The following ASCC3 variants were observed in gnomAD, a reference collection of about 807,000 sequenced individuals.
ASCC3 encodes ASC-1 complex subunit P200.
Under a neutral mutation model 256.3 loss-of-function variants are expected in ASCC3, and 158 were observed. The ratio of observed to expected loss-of-function variants is 0.62; its 90% CI spans 0.54 to 0.70. The LOEUF (loss-of-function observed/expected upper bound fraction) is 0.70, where lower values mean the gene tolerates loss of function less well. Among genes scored for constraint, ASCC3 ranks in the 30% least tolerant of loss-of-function variants. ASCC3 has a pLI of 0.00. For missense variants in ASCC3, 2,259 were observed against 2,626.0 expected (o/e 0.86, Z 3.05); for synonymous variants, 948 against 883.4 (o/e 1.07, Z -1.30).
At chr6:100,769,727 AC>A (rs1212193421) in intron 8 of ASCC3, among the ~76,000 whole-genome samples, 1 of 151,844 alleles carries the variant, frequency 6.6e-6, no homozygotes, top group Non-Finnish European at 1.5e-5. Context: ...AAGAGAAGAC[AC>A]CAATTATCAA....
chr6:100,698,510 C>G (rs1030771994), intron 13 of ASCC3, among the ~76,000 whole-genome samples: 1 of 151,372 alleles, frequency 6.6e-6, no homozygotes, highest in Non-Finnish European at 1.5e-5. Flanking sequence ...TTTAAAAAAG[C>G]AAAAATATAC....
chr6:100,698,445 T>C (rs534543391), intron 13 of ASCC3, among the ~76,000 whole-genome samples: 2 of 152,192 alleles, frequency 1.3e-5, no homozygotes, highest in East Asian at 3.9e-4. Context: ...TGCTCTAAAA[T>C]CTAAATTTTT....
At chr6:100,642,174 A>G (rs1459206364) in intron 24 of ASCC3, among the ~76,000 whole-genome samples, 1 of 152,098 alleles carries the variant, frequency 6.6e-6, no homozygotes, top group East Asian at 1.9e-4. Context: ...AAAAAAAAAA[A>G]ACTAATATAA....
intron 10 of ASCC3, 29 bp from the exon 11 acceptor site, chr6:100,725,732 G>A: frequency 6.2e-7 from 1 of 1,610,342 alleles, no homozygotes; most frequent in Non-Finnish European, 8.5e-7. Context: ...TTTAAAAGGG[G>A]AAAGTTACAT....
Position 100,606,985 on chromosome 6 carries a change from G to C in ASCC3, c.4889C>G (p.Thr1630Arg). Reference sequence around the variant, plus strand: ...ACAGTTTACAAATAGTTCCTCTACTGTTTTTCGGTCCCTCTCATGTAGTCC... The same window carrying C: ...ACAGTTTACAAATAGTTCCTCTACTCTTTTTCGGTCCCTCTCATGTAGTCC... ...HAGLHERDRK[T>R]VEELFVNCKV... The change falls in exon 31 of 42, where the codon ACA becomes AGA. Residue 1630 changes from threonine to arginine, a missense_variant. By Grantham distance (71) the Thr-to-Arg change is moderately conservative. Coordinates refer to ENST00000369162, the MANE Select transcript of ASCC3 (RefSeq NM_006828.4). 6.2e-7 allele frequency: 1 copy of C among 1,613,654 alleles called. No homozygotes were observed. Among genetic ancestry groups the C allele is most frequent in the Non-Finnish European group, 8.5e-7 (1 of 1,179,778 alleles).
In ASCC3 at chr6:100,842,651, A is replaced by G. The variant is rs559587629; in HGVS notation, c.801+5497T>C. Among the ~76,000 whole-genome samples the G allele has an allele frequency of 7.9e-5, 12 of 152,266 alleles. No homozygotes were observed. The South Asian group carries it at 1.4e-3, about 18-fold the overall frequency. On this transcript the variant is annotated intron_variant, in intron 4 of 41. Coordinates refer to ENST00000369162, the MANE Select transcript of ASCC3 (RefSeq NM_006828.4). Reference sequence around the variant, plus strand: ...TAAAAATGTTATTTATACTATAGTAATATGATAGATTTAGTATTATTATTT... The same window carrying G: ...TAAAAATGTTATTTATACTATAGTAGTATGATAGATTTAGTATTATTATTT...
intron 8 of ASCC3, among the ~76,000 whole-genome samples, chr6:100,777,886 T>G (rs963065519): frequency 1.3e-5 from 2 of 152,098 alleles, no homozygotes; most frequent in Admixed American, 1.3e-4. Flanking sequence ...AGTAGAAGAA[T>G]AATATAATAT....
intron 14 of ASCC3, among the ~76,000 whole-genome samples, chr6:100,673,793 T>C (rs181663995): frequency 3.3e-5 from 5 of 152,316 alleles, no homozygotes; most frequent in Admixed American, 1.3e-4. Context: ...ATATAAAGTC[T>C]AAAAGCCTAG....
In ASCC3 at chr6:100,608,129, T is replaced by TATATGTATATATAGGTATATATAC. The variant is rs1562161283; in HGVS notation, c.4786-1042_4786-1041insGTATATATACCTATATATACATAT. Among the ~76,000 whole-genome samples, 119 of 126,538 alleles carry TATATGTATATATAGGTATATATAC rather than the reference T, an allele frequency of 9.4e-4. 3 individuals carry two copies. Among genetic ancestry groups the TATATGTATATATAGGTATATATAC allele is most frequent in the African/African-American group, 3.5e-3 (117 of 33,174 alleles). The allele number at this position is 126,538 out of a possible 152,430, so 83.0% of individuals were successfully genotyped here. A position where few individuals can be genotyped will look rare whatever the true frequency, so the allele number is the denominator to read the frequency against. On this transcript the variant is annotated intron_variant, in intron 30 of 41. Coordinates refer to ENST00000369162, the MANE Select transcript of ASCC3 (RefSeq NM_006828.4). The stretch of plus-strand genomic sequence containing the variant: ...ATATGTATATATATCTATATATACA[T>TATATGTATATATAGGTATATATAC]ATATATGTATATATATCTATATATA...
chr6:100,877,931 A>C (rs143786376), intron 1 of ASCC3, among the ~76,000 whole-genome samples: 46 of 152,302 alleles, frequency 3.0e-4, no homozygotes, highest in Non-Finnish European at 5.6e-4. Flanking sequence ...ACACAGAGCA[A>C]CTTTTTCACT....
chr6:100,730,303 C>CAAAACAAAAT (rs1779842794), intron 10 of ASCC3, among the ~76,000 whole-genome samples: 1 of 151,312 alleles, frequency 6.6e-6, no homozygotes, highest in Non-Finnish European at 1.5e-5. Context: ...TCTCTGAAAA[C>CAAAACAAAAT]AAAACAAAAC....
At chr6:100,660,037 C>A (rs775697749) in intron 16 of ASCC3, among the ~76,000 whole-genome samples, 4 of 151,410 alleles carry the variant, frequency 2.6e-5, no homozygotes, top group Non-Finnish European at 5.9e-5. Flanking sequence ...AAGAACCATG[C>A]CTTTTACTGT....
At chr6:100,773,321 G>A (rs1314138101) in intron 8 of ASCC3, among the ~76,000 whole-genome samples, 1 of 152,068 alleles carries the variant, frequency 6.6e-6, no homozygotes, top group Non-Finnish European at 1.5e-5. Context: ...AATGAATGCA[G>A]CTATTTCCAG....
At chr6:100,720,463 A>T (rs1272310504) in intron 11 of ASCC3, among the ~76,000 whole-genome samples, 1 of 151,878 alleles carries the variant, frequency 6.6e-6, no homozygotes, top group Non-Finnish European at 1.5e-5. Context: ...GGCATTACAT[A>T]ATTTGGCATT....
At chr6:100,872,194 C>T (rs1773776015) in intron 1 of ASCC3, among the ~76,000 whole-genome samples, 1 of 152,152 alleles carries the variant, frequency 6.6e-6, no homozygotes, top group Admixed American at 6.5e-5. Flanking sequence ...CATGGTCTTA[C>T]AAATTAATGG....
chr6:100,757,183 T>C (rs1490094036), intron 10 of ASCC3, among the ~76,000 whole-genome samples: 1 of 151,992 alleles, frequency 6.6e-6, no homozygotes, highest in Non-Finnish European at 1.5e-5. Flanking sequence ...TAATCAAGAC[T>C]TATACTAAAA....
intron 4 of ASCC3, among the ~76,000 whole-genome samples, chr6:100,846,956 A>T (rs186789745): frequency 1.9e-4 from 29 of 152,302 alleles, no homozygotes; most frequent in African/African-American, 6.5e-4. Context: ...TATGTTCAGT[A>T]AATAGCACTG....
At chr6:100,647,134 A>C in intron 21 of ASCC3, 92 bp downstream of exon 21, 2 of 1,152,288 alleles carry the variant, frequency 1.7e-6, no homozygotes, top group Non-Finnish European at 2.5e-6. Context: ...TATTTTGATT[A>C]ATGTGGAAAT....
At chr6:100,593,396 GT>G (rs1442990194) in intron 34 of ASCC3, among the ~76,000 whole-genome samples, 2 of 151,962 alleles carry the variant, frequency 1.3e-5, no homozygotes, top group Admixed American at 6.6e-5. Context: ...AAACTAAAAA[GT>G]TTTTCAAAAA....
Sources: allele counts gnomAD v4.1 joint callset (sites outside exome capture counted in the v4.1 genomes callset), GRCh38; gene constraint gnomAD v4.1.1; transcripts MANE v1.5; gene names NCBI Gene and HGNC (gene_info 2026-07-23, HGNC 2026-07-21).